IGFBP2: variants seen among roughly 807,000 people sequenced by gnomAD.
IGFBP2 encodes the protein insulin-like growth factor-binding protein 2.
IGFBP2 carries 12 observed loss-of-function variants against 26.2 expected under a neutral mutation model. The observed-to-expected ratio is 0.46, with a 90% CI of 0.29 to 0.74. The LOEUF (loss-of-function observed/expected upper bound fraction) is 0.74. Ranked by LOEUF, IGFBP2 falls within the 30% of genes least tolerant of loss-of-function variation. The pLI is 0.09. For missense variants in IGFBP2, 328 were observed against 441.2 expected (o/e 0.74, Z 2.30); for synonymous variants, 189 against 200.6 (o/e 0.94, Z 0.49).
chr2:216,661,931 C>T lies in IGFBP2; in HGVS notation c.746C>T (p.Pro249Leu). The stretch of plus-strand genomic sequence containing the variant: ...ATGCGCCTTCCGGATGAGCGGGGCC[C>T]TCTGGAGCACCTCTACTCCCTGCAC... ...STMRLPDERGPLEHLYSLHIP... is the reference protein window; with the variant it reads ...STMRLPDERGLLEHLYSLHIP... Residue 249 changes from proline (P) to leucine (L), a missense_variant, in exon 3 of 4, where the codon CCT (proline) becomes CTT (leucine). Coordinates refer to ENST00000233809, the MANE Select transcript of IGFBP2 (RefSeq NM_000597.3). 1 of 1,614,238 alleles carries T rather than the reference C, an allele frequency of 6.2e-7. No homozygotes were observed. The highest frequency in any genetic ancestry group is 8.5e-7 in the Non-Finnish European group (1 of 1,180,032).
At chr2:216,635,642 C>G (rs1697480402) in intron 1 of IGFBP2, among the ~76,000 whole-genome samples, 1 of 150,334 alleles carries the variant, frequency 6.7e-6, no homozygotes, top group African/African-American at 2.5e-5. Flanking sequence ...TCGTCTTATT[C>G]TAAGCCTGAA....
chr2:216,659,590 T>C (rs1378146843), intron 1 of IGFBP2: 4 of 729,006 alleles, frequency 5.5e-6, no homozygotes, highest in Non-Finnish European at 9.6e-6. Context: ...TCTGCCTCCT[T>C]TGGCTGGACG....
intron 1 of IGFBP2, among the ~76,000 whole-genome samples, chr2:216,637,479 G>A (rs1697524036): frequency 6.6e-6 from 1 of 152,162 alleles, no homozygotes; most frequent in South Asian, 2.1e-4. Context: ...CAGAATCCGG[G>A]TCTTCTTTGT....
rs547334619 is a variant in IGFBP2 at position 216,648,703 on chromosome 2, G to C, written c.443-11854G>C. Among the ~76,000 whole-genome samples, 11 of 152,238 alleles carry C rather than the reference G, an allele frequency of 7.2e-5. No individual in the cohort carries two copies. The East Asian group carries it at 2.1e-3, about 29-fold the overall frequency. ...GGCTCACTGCAACCTTCGCCTCCCG[G>C]GTTCAAGCGATTCTTCTGCCTCAGC... On this transcript the variant is annotated intron_variant, in intron 1 of 3. Transcript: ENST00000233809.
chr2:216,654,982 C>T (rs1437384509), intron 1 of IGFBP2, among the ~76,000 whole-genome samples: 3 of 152,180 alleles, frequency 2.0e-5, no homozygotes, highest in Non-Finnish European at 4.4e-5. Context: ...CATATGACAT[C>T]TGTGGGCCCT....
chr2:216,650,037 G>A (rs1697788934), intron 1 of IGFBP2, among the ~76,000 whole-genome samples: 1 of 152,214 alleles, frequency 6.6e-6, no homozygotes, highest in Non-Finnish European at 1.5e-5. Flanking sequence ...GAAAAGAAGA[G>A]GCATTGTTCT....
intron 1 of IGFBP2, among the ~76,000 whole-genome samples, chr2:216,637,534 C>G (rs1179982607): frequency 6.6e-6 from 1 of 152,240 alleles, no homozygotes; most frequent in East Asian, 1.9e-4. Context: ...AAAACATTTA[C>G]TGTGATAAGT....
At chr2:216,648,863 TC>T (rs1697765429) in intron 1 of IGFBP2, among the ~76,000 whole-genome samples, 1 of 152,138 alleles carries the variant, frequency 6.6e-6, no homozygotes, top group Non-Finnish European at 1.5e-5. Flanking sequence ...TGTCTTGGCC[TC>T]CCAAAGTGCT....
chr2:216,642,249 C>T (rs529369251), intron 1 of IGFBP2, among the ~76,000 whole-genome samples: 3 of 151,128 alleles, frequency 2.0e-5, no homozygotes, highest in East Asian at 3.9e-4. Context: ...CCGCCCACCT[C>T]GGCCTCCCAA....
At chr2:216,636,459 G>T (rs567633489) in intron 1 of IGFBP2, among the ~76,000 whole-genome samples, 1 of 152,176 alleles carries the variant, frequency 6.6e-6, no homozygotes, top group Non-Finnish European at 1.5e-5. Context: ...ATGCAGGGGT[G>T]GGGGTGGGCA....
intron 3 of IGFBP2, 100 bp from the exon 4 acceptor site, chr2:216,663,840 G>C (rs1388171616): frequency 7.7e-7 from 1 of 1,299,764 alleles, no homozygotes; most frequent in Non-Finnish European, 1.1e-6. Context: ...GCAGCGCATG[G>C]GTAGCTGCAA....
intron 1 of IGFBP2, among the ~76,000 whole-genome samples, chr2:216,640,245 G>C (rs1024525956): frequency 2.6e-5 from 4 of 152,102 alleles, no homozygotes; most frequent in African/African-American, 9.7e-5. Context: ...AGACTATAAT[G>C]CTTGAAAAAA....
rs1003086422 is a variant in IGFBP2 at position 216,664,245 on chromosome 2, C to G, written c.*141C>G. 4.8e-6 allele frequency: 3 copies of G among 628,110 alleles called. No homozygotes were observed. Among genetic ancestry groups the G allele is most frequent in the African/African-American group, 1.9e-5 (1 of 53,896 alleles). 38.9% of individuals were successfully genotyped at this position (628,110 alleles called of 1,614,324 possible). ...ATTTATATTTGGAAAGAGACCAGCA[C>G]CGAGCTCGGCACCTCCCCGGCCTCT... On this transcript the variant is annotated 3_prime_UTR_variant, in exon 4 of 4. Transcript: ENST00000233809. This position sits in a 1 kb window ranked among gnomAD's most constrained non-coding sequence, Gnocchi z 4.6.
intron 1 of IGFBP2, among the ~76,000 whole-genome samples, chr2:216,649,166 G>A (rs564983887): frequency 3.2e-4 from 48 of 152,262 alleles, no homozygotes; most frequent in African/African-American, 1.1e-3. Context: ...ATTGTTTTGT[G>A]AAAATAAATT....
intron 1 of IGFBP2, among the ~76,000 whole-genome samples, chr2:216,635,313 C>T (rs1185900908): frequency 1.3e-5 from 2 of 152,132 alleles, no homozygotes; most frequent in Non-Finnish European, 2.9e-5. Context: ...CCTTCCCTAG[C>T]CTGCCTGGAA....
intron 1 of IGFBP2, among the ~76,000 whole-genome samples, chr2:216,658,897 T>A: frequency 6.6e-6 from 1 of 152,108 alleles, no homozygotes; most frequent in Non-Finnish European, 1.5e-5. Context: ...TCTCAACAGC[T>A]CTATGAAGAA....
intron 1 of IGFBP2, among the ~76,000 whole-genome samples, chr2:216,653,639 A>G (rs1015979136): frequency 4.6e-5 from 7 of 152,156 alleles, no homozygotes; most frequent in Middle Eastern, 3.2e-3. Flanking sequence ...TTTTCATCCC[A>G]TCTGCCTTCC....
intron 1 of IGFBP2, 112 bp downstream of exon 1, chr2:216,634,077 A>G (rs1697443137): frequency 1.4e-6 from 2 of 1,409,982 alleles, no homozygotes; most frequent in Non-Finnish European, 1.9e-6. Flanking sequence ...GAGACCTTGG[A>G]CCAAATCAAG....
chr2:216,636,000 C>A (rs961833065), intron 1 of IGFBP2, among the ~76,000 whole-genome samples: 1 of 151,946 alleles, frequency 6.6e-6, no homozygotes, highest in African/African-American at 2.4e-5. Context: ...AAAGAAGTGA[C>A]CAATGTCAGG....
Sources: allele counts gnomAD v4.1 joint callset (sites outside exome capture counted in the v4.1 genomes callset), GRCh38; gene constraint gnomAD v4.1.1; non-coding constraint Gnocchi (gnomAD v3.1); transcripts MANE v1.5; gene names NCBI Gene and HGNC (gene_info 2026-07-23, HGNC 2026-07-21).